Variants in EMB observed in about 807,000 individuals in gnomAD.
The protein encoded by EMB is embigin homolog.
Under a neutral mutation model 41.4 loss-of-function variants are expected in EMB, and 31 were observed. That is an observed-to-expected ratio of 0.75 (90% confidence interval 0.56 to 1.01). The LOEUF is 1.01. Among genes scored for constraint, EMB ranks in the 50% least tolerant of loss-of-function variants. EMB has a pLI of 0.00. For synonymous variants in EMB, 137 were observed against 140.4 expected, an observed-to-expected ratio of 0.98 and a Z score of 0.17; for missense variants, 379 against 388.3, an observed-to-expected ratio of 0.98 and a Z score of 0.20.
intron 2 of EMB, among the ~76,000 whole-genome samples, chr5:50,421,140 A>G (rs1745515014): frequency 6.6e-6 from 1 of 152,216 alleles, no homozygotes; most frequent in African/African-American, 2.4e-5. Flanking sequence ...TCCCCAAAAT[A>G]AATCTACAGA....
upstream of EMB, among the ~76,000 whole-genome samples, chr5:50,442,501 G>T (rs1324125180): frequency 7.8e-6 from 1 of 127,458 alleles, no homozygotes; most frequent in Admixed American, 7.6e-5. Flanking sequence ...ACAAATGCAC[G>T]CATGCACACA....
chr5:50,425,276 TA>T, intron 2 of EMB, among the ~76,000 whole-genome samples: 1 of 152,244 alleles, frequency 6.6e-6, no homozygotes, highest in Non-Finnish European at 1.5e-5. Context: ...TCTGCACCTC[TA>T]ATGTCTGCCT....
At chr5:50,408,912 A>G (rs1429704162) in intron 4 of EMB, among the ~76,000 whole-genome samples, 2 of 152,112 alleles carry the variant, frequency 1.3e-5, no homozygotes, top group Non-Finnish European at 2.9e-5. Flanking sequence ...TTTTTATTTT[A>G]CCAAGGAAGA....
chr5:50,427,520 T>C (rs1745639709), intron 2 of EMB, among the ~76,000 whole-genome samples: 1 of 151,092 alleles, frequency 6.6e-6, no homozygotes, highest in Non-Finnish European at 1.5e-5. Flanking sequence ...ATTATTATTA[T>C]TATTATTTGA....
chr5:50,428,625 C>T (rs1457947604), intron 1 of EMB: 2 of 986,020 alleles, frequency 2.0e-6, no homozygotes, highest in South Asian at 4.7e-5. Context: ...GACAGGCAGA[C>T]CTTAATAAAG....
chr5:50,400,916 G>A (rs1204749378), intron 7 of EMB, among the ~76,000 whole-genome samples: 1 of 151,976 alleles, frequency 6.6e-6, no homozygotes, highest in Non-Finnish European at 1.5e-5. Flanking sequence ...TTCCAAATGT[G>A]AGCTCAGAAG....
intron 1 of EMB, among the ~76,000 whole-genome samples, chr5:50,431,988 AT>A (rs1745727771): frequency 6.6e-6 from 1 of 152,220 alleles, no homozygotes; most frequent in African/African-American, 2.4e-5. Context: ...CATATAATTT[AT>A]TCTATTAACA....
At chr5:50,413,871 T>C (rs1745385009) in intron 2 of EMB, among the ~76,000 whole-genome samples, 1 of 152,182 alleles carries the variant, frequency 6.6e-6, no homozygotes, top group Non-Finnish European at 1.5e-5. Context: ...GCCTGGTTTT[T>C]TCAATAGACA....
Position 50,398,973 on chromosome 5 carries a change from T to C in EMB, c.*300A>G, listed in dbSNP as rs1745114819. 1 of 223,714 alleles carries C rather than the reference T, an allele frequency of 4.5e-6. No homozygotes were observed. Among genetic ancestry groups the C allele is most frequent in the Admixed American group, 5.8e-5 (1 of 17,344 alleles). 13.9% of individuals were successfully genotyped at this position (223,714 alleles called of 1,614,324 possible). A position where few individuals can be genotyped will look rare whatever the true frequency, so the allele number is the denominator to read the frequency against. On this transcript the variant is annotated 3_prime_UTR_variant, in exon 9 of 9. Transcript: ENST00000303221. ...TTTGAGTGATTTTTGTTCTATGAAG[T>C]ATTAAGTGATTCTGCTGATATCTGT...
chr5:50,407,163 T>TTAA (rs1745262361), intron 4 of EMB, among the ~76,000 whole-genome samples: 1 of 152,028 alleles, frequency 6.6e-6, no homozygotes, highest in African/African-American at 2.4e-5. Flanking sequence ...TGTTTCTTTC[T>TTAA]GGCAATTGAG....
At chr5:50,406,198 TTAGAG>T (rs143241692) in intron 4 of EMB, among the ~76,000 whole-genome samples, 329 of 151,924 alleles carry the variant, frequency 2.2e-3, no homozygotes, top group African/African-American at 7.7e-3. Context: ...CTAAGTTACC[TTAGAG>T]TAATTATTTT....
At chr5:50,409,333 A>C (rs1745297208) in intron 4 of EMB, among the ~76,000 whole-genome samples, 1 of 152,092 alleles carries the variant, frequency 6.6e-6, no homozygotes, top group Admixed American at 6.6e-5. Context: ...TGTTATCTTC[A>C]ATATTGAAAG....
At chr5:50,416,111 C>G (rs1190653865) in intron 2 of EMB, among the ~76,000 whole-genome samples, 1 of 152,156 alleles carries the variant, frequency 6.6e-6, no homozygotes, top group East Asian at 1.9e-4. Context: ...ATCACAGCAT[C>G]AAAAACATGC....
At chr5:50,402,218 T>C in intron 7 of EMB, 68 bp downstream of exon 7, 1 of 1,501,496 alleles carries the variant, frequency 6.7e-7, no homozygotes, top group Non-Finnish European at 9.3e-7. Context: ...CTGCAAACAT[T>C]TCATTCAATT....
chr5:50,404,399 T>C (rs900880391), intron 5 of EMB, among the ~76,000 whole-genome samples: 6 of 151,948 alleles, frequency 3.9e-5, no homozygotes, highest in African/African-American at 1.4e-4. Context: ...ACCCAGCTGA[T>C]TCTGATGCAC....
chr5:50,431,802 A>C (rs1273652992), intron 1 of EMB, among the ~76,000 whole-genome samples: 16 of 152,228 alleles, frequency 1.1e-4, no homozygotes, highest in Non-Finnish European at 2.1e-4. Context: ...ATAGTTGCTC[A>C]AGAGATTAAA....
intron 2 of EMB, among the ~76,000 whole-genome samples, chr5:50,424,215 A>G (rs1240300926): frequency 1.3e-5 from 2 of 152,206 alleles, no homozygotes; most frequent in Non-Finnish European, 2.9e-5. Context: ...TATTTAAAAG[A>G]ATGTTTACTG....
In EMB at chr5:50,435,986, C is replaced by G. The variant is rs191501532; in HGVS notation, c.112+5054G>C. On this transcript the variant is annotated intron_variant, in intron 1 of 8. Coordinates refer to ENST00000303221, the MANE Select transcript of EMB (RefSeq NM_198449.3). ...CTGGCACAAGATGTTCTAGGCTTAT[C>G]TGCTACTTTCCCACACTAGCCCTGA... is the stretch of plus-strand genomic sequence containing the variant. 1.4e-3 allele frequency among the ~76,000 whole-genome samples: 209 copies of G among 152,240 alleles called. 6 individuals carry two copies. Among genetic ancestry groups the G allele is most frequent in the Admixed American group, 0.013 (196 of 15,294 alleles).
chr5:50,438,935 C>T (rs1400588255), intron 1 of EMB, among the ~76,000 whole-genome samples: 7 of 146,954 alleles, frequency 4.8e-5, no homozygotes, highest in Non-Finnish European at 1.0e-4. Context: ...GAGATCTTCT[C>T]TGCATATCAA....
Sources: gnomAD v4.1 joint callset for allele counts (sites outside exome capture counted in the v4.1 genomes callset) on GRCh38, gnomAD v4.1.1 for gene constraint, MANE v1.5 for transcripts, NCBI Gene and HGNC (gene_info 2026-07-23, HGNC 2026-07-21) for gene names.